Variants in CACNA2D3 observed in about 807,000 individuals in gnomAD.
The protein encoded by CACNA2D3 is voltage-dependent calcium channel subunit alpha-2/delta-3.
Under a neutral mutation model 160.6 loss-of-function variants are expected in CACNA2D3, and 60 were observed. The observed-to-expected ratio is 0.37, with a 90% CI of 0.30 to 0.46. The LOEUF (loss-of-function observed/expected upper bound fraction) is 0.46. Among genes scored for constraint, CACNA2D3 ranks in the 20% least tolerant of loss-of-function variants. CACNA2D3 has a pLI of 1.00. For synonymous variants in CACNA2D3, 558 were observed against 492.9 expected, an observed-to-expected ratio of 1.13 and a Z score of -1.75; for missense variants, 1,205 against 1,365.0, an observed-to-expected ratio of 0.88 and a Z score of 1.85.
chr3:55,038,964 T>TG (rs1399138473), intron 35 of CACNA2D3, among the ~76,000 whole-genome samples: 8 of 146,896 alleles, frequency 5.4e-5, no homozygotes, highest in Non-Finnish European at 1.0e-4. Flanking sequence ...GCTGGGAGGT[T>TG]GGGGGGATGG....
At chr3:54,546,583 G>C (rs1397200116) in intron 5 of CACNA2D3, among the ~76,000 whole-genome samples, 1 of 152,122 alleles carries the variant, frequency 6.6e-6, no homozygotes, top group East Asian at 1.9e-4. Context: ...GCATGTGAAG[G>C]CTGGCTAATT....
At chr3:54,151,199 G>A (rs2107282996) in intron 2 of CACNA2D3, among the ~76,000 whole-genome samples, 1 of 152,050 alleles carries the variant, frequency 6.6e-6, no homozygotes, top group South Asian at 2.1e-4. Flanking sequence ...GGATGGGTTG[G>A]TGGATAAGTA....
chr3:54,739,796 G>GTGTGTGT (rs1260011068), intron 11 of CACNA2D3, among the ~76,000 whole-genome samples: 1 of 124,792 alleles, frequency 8.0e-6, no homozygotes, highest in African/African-American at 3.5e-5. Context: ...TGTGTGTGTG[G>GTGTGTGT]AATTATATAT....
intron 5 of CACNA2D3, among the ~76,000 whole-genome samples, chr3:54,551,698 G>A (rs1702160497): frequency 1.3e-5 from 2 of 152,176 alleles, no homozygotes; most frequent in Admixed American, 1.3e-4. Flanking sequence ...GAACAGCGTG[G>A]GTGCTCTGGC....
Position 54,252,268 on chromosome 3 carries a change from G to C in CACNA2D3, c.205-68174G>C, listed in dbSNP as rs117055133. Reference sequence around the variant, plus strand: ...AGATTTAGGTTGGGCTTTTTGTAATGGATTTTATACCAGAAATTATTTATA... The same window carrying C: ...AGATTTAGGTTGGGCTTTTTGTAATCGATTTTATACCAGAAATTATTTATA... On this transcript the variant is annotated intron_variant, in intron 2 of 37. Transcript: ENST00000474759. Among the ~76,000 whole-genome samples the C allele has an allele frequency of 3.0e-3, 450 of 151,960 alleles. 11 individuals carry two copies. The East Asian group carries it at 0.045, about 15-fold the overall frequency.
intron 2 of CACNA2D3, among the ~76,000 whole-genome samples, chr3:54,154,919 G>A (rs1011780081): frequency 3.9e-5 from 6 of 151,956 alleles, no homozygotes; most frequent in African/African-American, 1.5e-4. Flanking sequence ...GATACTTATT[G>A]TTTTTCTATA....
chr3:54,559,920 T>C (rs1302996019), intron 5 of CACNA2D3, among the ~76,000 whole-genome samples: 2 of 152,202 alleles, frequency 1.3e-5, no homozygotes, highest in African/African-American at 4.8e-5. Flanking sequence ...GCAGAGGACA[T>C]GGTCTTGTTC....
rs530379774 is a variant in CACNA2D3 at position 54,199,187 on chromosome 3, C to A, written c.204+75593C>A. On this transcript the variant is annotated intron_variant, in intron 2 of 37. Coordinates refer to ENST00000474759, the MANE Select transcript of CACNA2D3 (RefSeq NM_018398.3). Reference sequence around the variant, plus strand: ...ATACAAAATATAGACTAATAAAACACCCAAATTCAGTAGTTACTAACTCTT... The same window carrying A: ...ATACAAAATATAGACTAATAAAACAACCAAATTCAGTAGTTACTAACTCTT... 3.1e-3 allele frequency among the ~76,000 whole-genome samples: 469 copies of A among 152,168 alleles called. 1 individual carries two copies. Among genetic ancestry groups the A allele is most frequent in the African/African-American group, 0.011 (450 of 41,518 alleles).
intron 2 of CACNA2D3, among the ~76,000 whole-genome samples, chr3:54,283,358 C>T (rs1702927426): frequency 6.6e-6 from 1 of 152,186 alleles, no homozygotes; most frequent in South Asian, 2.1e-4. Context: ...GTCCTCCCTC[C>T]ATGGATATCT....
chr3:55,049,219 TG>T (rs1381461800), intron 35 of CACNA2D3, among the ~76,000 whole-genome samples: 1 of 150,720 alleles, frequency 6.6e-6, no homozygotes, highest in African/African-American at 2.5e-5. Context: ...GGATCTTTCC[TG>T]CTTTCTCTTG....
chr3:55,016,651 G>A (rs7649117), intron 34 of CACNA2D3, among the ~76,000 whole-genome samples: 46,188 of 152,152 alleles, frequency 0.3, 7,694 homozygotes, highest in Non-Finnish European at 0.37. Context: ...TCCTCAGAAC[G>A]ATCCTGTGAG....
chr3:54,968,990 T>C (rs1193414024), intron 28 of CACNA2D3, among the ~76,000 whole-genome samples: 1 of 152,188 alleles, frequency 6.6e-6, no homozygotes, highest in Non-Finnish European at 1.5e-5. Context: ...CTCTCTGTAC[T>C]AAGTCATCTC....
intron 3 of CACNA2D3, among the ~76,000 whole-genome samples, chr3:54,373,013 C>T (rs9311529): frequency 0.18 from 27,444 of 152,126 alleles, 2,601 homozygotes; most frequent in African/African-American, 0.24. Flanking sequence ...AGTTCACATG[C>T]GTCCTATCAT....
intron 2 of CACNA2D3, among the ~76,000 whole-genome samples, chr3:54,229,522 A>G (rs1387204931): frequency 6.6e-6 from 1 of 151,864 alleles, no homozygotes; most frequent in Non-Finnish European, 1.5e-5. Flanking sequence ...TTTAGTAGAG[A>G]CAGGGTCTTG....
intron 3 of CACNA2D3, among the ~76,000 whole-genome samples, chr3:54,335,390 A>G (rs1704351898): frequency 6.6e-6 from 1 of 152,240 alleles, no homozygotes; most frequent in African/African-American, 2.4e-5. Context: ...TTTCTTGACG[A>G]TATGCTAAAC....
intron 27 of CACNA2D3, 53 bp downstream of exon 27, chr3:54,899,921 C>T: frequency 7.6e-7 from 1 of 1,311,578 alleles, no homozygotes; most frequent in South Asian, 1.3e-5. Flanking sequence ...GCCCATTCAT[C>T]CGGCCAGTGG....
intron 3 of CACNA2D3, among the ~76,000 whole-genome samples, chr3:54,326,280 C>T (rs563108727): frequency 1.4e-4 from 21 of 152,246 alleles, no homozygotes; most frequent in East Asian, 1.4e-3. Context: ...AAGAGATTTA[C>T]GCCAATCTTC....
intron 5 of CACNA2D3, among the ~76,000 whole-genome samples, chr3:54,505,164 C>T (rs538264211): frequency 1.3e-5 from 2 of 152,210 alleles, no homozygotes; most frequent in African/African-American, 4.8e-5. Flanking sequence ...GAGGCAGTAC[C>T]CCATTCATTA....
intron 17 of CACNA2D3, among the ~76,000 whole-genome samples, chr3:54,854,965 G>A (rs974067070): frequency 6.6e-6 from 1 of 152,150 alleles, no homozygotes; most frequent in Non-Finnish European, 1.5e-5. Context: ...TTGTAGGACA[G>A]TGTATTTTCT....
Sources: gnomAD v4.1 joint callset for allele counts (sites outside exome capture counted in the v4.1 genomes callset) on GRCh38, gnomAD v4.1.1 for gene constraint, MANE v1.5 for transcripts, NCBI Gene and HGNC (gene_info 2026-07-23, HGNC 2026-07-21) for gene names.